The following LPAR1 variants were observed in gnomAD, a reference collection of about 807,000 sequenced individuals.
LPAR1 encodes the protein LPA receptor 1.
In LPAR1, 5 loss-of-function variants were observed where a neutral mutation model predicts 23.8. That is an observed-to-expected ratio of 0.21 (90% CI 0.11 to 0.44). The LOEUF (loss-of-function observed/expected upper bound fraction) is 0.44, where lower values mean the gene tolerates loss of function less well. LPAR1 is among the 20% of genes least tolerant of loss of function. The probability of loss-of-function intolerance (pLI) is 0.99; values close to 1 mark genes in which losing one functional copy is unlikely to be tolerated. For synonymous variants in LPAR1, 160 were observed against 164.7 expected, an observed-to-expected ratio of 0.97 and a Z score of 0.22; for missense variants, 311 against 482.8, an observed-to-expected ratio of 0.64 and a Z score of 3.33.
At chr9:111,031,252 A>G (rs1344913317) in intron 2 of LPAR1, among the ~76,000 whole-genome samples, 4 of 152,110 alleles carry the variant, frequency 2.6e-5, no homozygotes, top group African/African-American at 9.7e-5. Flanking sequence ...GCACCATGAC[A>G]GGGTGACTTC....
intron 5 of LPAR1, among the ~76,000 whole-genome samples, chr9:110,938,307 T>C (rs556862267): frequency 3.2e-4 from 48 of 152,340 alleles, no homozygotes; most frequent in African/African-American, 1.1e-3. Flanking sequence ...AGAATTCTTG[T>C]TCCTACTGAA....
intron 2 of LPAR1, among the ~76,000 whole-genome samples, chr9:110,993,409 A>T (rs992703065): frequency 1.4e-4 from 21 of 152,036 alleles, no homozygotes; most frequent in Non-Finnish European, 1.5e-5. Flanking sequence ...TATACCCTTG[A>T]TCTCTTGATT....
intron 2 of LPAR1, among the ~76,000 whole-genome samples, chr9:111,031,724 G>A (rs182121150): frequency 6.6e-6 from 1 of 152,298 alleles, no homozygotes; most frequent in Admixed American, 6.5e-5. Flanking sequence ...AAATGAGATG[G>A]AAGCAAGGCA....
intron 4 of LPAR1, among the ~76,000 whole-genome samples, chr9:110,963,066 A>C (rs1331330346): frequency 6.6e-6 from 1 of 152,220 alleles, no homozygotes; most frequent in Non-Finnish European, 1.5e-5. Context: ...AAGAAGTGGG[A>C]AAAAGCCAGA....
At chr9:110,911,759 A>G (rs1007862298) in intron 5 of LPAR1, among the ~76,000 whole-genome samples, 10 of 152,186 alleles carry the variant, frequency 6.6e-5, no homozygotes, top group African/African-American at 1.9e-4. Flanking sequence ...TACAAACATA[A>G]CTATCATATG....
intron 4 of LPAR1, among the ~76,000 whole-genome samples, chr9:110,969,490 T>C (rs954177559): frequency 2.6e-5 from 4 of 152,104 alleles, no homozygotes; most frequent in African/African-American, 9.7e-5. Flanking sequence ...GATGGGCAGA[T>C]CACCTGAGGT....
At chr9:110,881,757 T>A (rs2080913324) in intron 5 of LPAR1, among the ~76,000 whole-genome samples, 1 of 152,204 alleles carries the variant, frequency 6.6e-6, no homozygotes, top group South Asian at 2.1e-4. Flanking sequence ...TCCTCCACAC[T>A]GCTTCCCTAA....
At chr9:111,019,931 C>A (rs1405304408) in intron 2 of LPAR1, among the ~76,000 whole-genome samples, 1 of 152,122 alleles carries the variant, frequency 6.6e-6, no homozygotes, top group Admixed American at 6.5e-5. Flanking sequence ...ATACAGGGTG[C>A]CAGCATGGTT....
intron 5 of LPAR1, among the ~76,000 whole-genome samples, chr9:110,914,722 G>C (rs73537567): frequency 0.024 from 3,711 of 152,270 alleles, 138 homozygotes; most frequent in African/African-American, 0.085. Context: ...GCCTAGTACA[G>C]TATGCAGAGA....
At chr9:110,927,123 T>C (rs2094100611) in intron 5 of LPAR1, among the ~76,000 whole-genome samples, 1 of 152,188 alleles carries the variant, frequency 6.6e-6, no homozygotes, top group African/African-American at 2.4e-5. Flanking sequence ...GTCGTAAAGG[T>C]TAAGTGGATT....
At chr9:111,038,728 C>G, upstream of LPAR1, 1 of 445,902 alleles carries the variant, frequency 2.2e-6, no homozygotes, top group South Asian at 1.6e-5. The surrounding 1 kb of genome is among the most constrained non-coding windows in gnomAD (Gnocchi z 4.4). Flanking sequence ...ACGGTGGTGG[C>G]AGGGCCGGGG....
chr9:110,925,481 CATT>C (rs2093947039), intron 5 of LPAR1, among the ~76,000 whole-genome samples: 1 of 152,052 alleles, frequency 6.6e-6, no homozygotes, highest in Non-Finnish European at 1.5e-5. Flanking sequence ...GATTCTACAT[CATT>C]GATTGAATGA....
At chr9:110,880,254 G>A (rs1434295196) in intron 5 of LPAR1, among the ~76,000 whole-genome samples, 1 of 152,150 alleles carries the variant, frequency 6.6e-6, no homozygotes, top group Non-Finnish European at 1.5e-5. Context: ...CAAAGATGGA[G>A]GGAGAGGTGC....
At chr9:110,897,135 T>C (rs904611987) in intron 5 of LPAR1, among the ~76,000 whole-genome samples, 3 of 152,128 alleles carry the variant, frequency 2.0e-5, no homozygotes, top group Non-Finnish European at 4.4e-5. Context: ...CTACCTGACA[T>C]AGTTTGGCTC....
intron 5 of LPAR1, among the ~76,000 whole-genome samples, chr9:110,940,990 A>G (rs1323248512): frequency 6.6e-6 from 1 of 152,264 alleles, no homozygotes; most frequent in Non-Finnish European, 1.5e-5. Flanking sequence ...CAACAATTAC[A>G]GAATAGACTA....
intron 2 of LPAR1, among the ~76,000 whole-genome samples, chr9:110,981,683 CT>C (rs1181283999): frequency 2.0e-5 from 3 of 151,788 alleles, no homozygotes; most frequent in Non-Finnish European, 4.4e-5. Flanking sequence ...CCATGGAAGT[CT>C]GGCTTGGGAA....
chr9:110,889,060 A>G (rs1000287511), intron 5 of LPAR1, among the ~76,000 whole-genome samples: 1 of 152,216 alleles, frequency 6.6e-6, no homozygotes, highest in Non-Finnish European at 1.5e-5. Flanking sequence ...TATGTTTTAC[A>G]AAACTATTGT....
intron 2 of LPAR1, among the ~76,000 whole-genome samples, chr9:111,020,848 T>A (rs1237126088): frequency 1.3e-5 from 2 of 152,106 alleles, no homozygotes; most frequent in African/African-American, 4.8e-5. Context: ...AAAAATCAAC[T>A]GATGAATCAG....
chr9:110,917,108 C>T (rs1010401113), intron 5 of LPAR1, among the ~76,000 whole-genome samples: 4 of 149,804 alleles, frequency 2.7e-5, no homozygotes, highest in Non-Finnish European at 5.9e-5. Context: ...GAAGCCAAGG[C>T]GGGTGGATCA....
Sources: gnomAD v4.1 joint callset for allele counts (sites outside exome capture counted in the v4.1 genomes callset) on GRCh38, gnomAD v4.1.1 for gene constraint, Gnocchi (gnomAD v3.1) non-coding constraint, MANE v1.5 for transcripts, NCBI Gene and HGNC (gene_info 2026-07-23, HGNC 2026-07-21) for gene names.